EMCN: variants seen among roughly 807,000 people sequenced by gnomAD.
The protein encoded by EMCN is MUC-14.
In EMCN, 37 loss-of-function variants were observed where a neutral mutation model predicts 38.4. The ratio of observed to expected loss-of-function variants is 0.96; its 90% CI spans 0.74 to 1.27. The LOEUF is 1.27. EMCN is among the 50% of genes most tolerant of loss of function. EMCN has a pLI of 0.00. For missense variants in EMCN, 318 were observed against 302.8 expected, an observed-to-expected ratio of 1.05 and a Z score of -0.37; for synonymous variants, 95 against 100.8, an observed-to-expected ratio of 0.94 and a Z score of 0.35.
intron 1 of EMCN, among the ~76,000 whole-genome samples, chr4:100,483,758 G>GT (rs1728873803): frequency 6.6e-6 from 1 of 152,154 alleles, no homozygotes; most frequent in Non-Finnish European, 1.5e-5. Flanking sequence ...CATGATGCAA[G>GT]TAACACCAGA....
intron 4 of EMCN, among the ~76,000 whole-genome samples, chr4:100,453,916 G>T (rs901843088): frequency 1.3e-5 from 2 of 151,088 alleles, no homozygotes; most frequent in South Asian, 2.1e-4. Flanking sequence ...GCAAACTATC[G>T]CAAGGTCAAA....
intron 11 of EMCN, among the ~76,000 whole-genome samples, chr4:100,405,345 G>T (rs900230327): frequency 2.6e-5 from 4 of 152,028 alleles, no homozygotes; most frequent in African/African-American, 9.7e-5. Flanking sequence ...GATGTTGGTT[G>T]TGGGTTTGTC....
chr4:100,482,637 GA>G (rs1291270919), intron 1 of EMCN, among the ~76,000 whole-genome samples: 1 of 152,060 alleles, frequency 6.6e-6, no homozygotes, highest in Non-Finnish European at 1.5e-5. Flanking sequence ...CATGATCTGG[GA>G]AAATACTGAA....
chr4:100,449,544 T>TA (rs1262860083), intron 4 of EMCN, among the ~76,000 whole-genome samples: 1 of 152,104 alleles, frequency 6.6e-6, no homozygotes, highest in Non-Finnish European at 1.5e-5. Context: ...ATTTGAAAGA[T>TA]ACAATTAAAA....
chr4:100,505,407 C>T (rs1189472054), intron 1 of EMCN, among the ~76,000 whole-genome samples: 1 of 151,952 alleles, frequency 6.6e-6, no homozygotes, highest in East Asian at 1.9e-4. Context: ...TTCCTGTGGG[C>T]CAAATAAAAG....
rs151011309 is a variant in EMCN, at chr4:100,400,442, T to G, written c.*40-2069A>C. ...AAGAAATTTGCCACTAAACTTCACG[T>G]TATCATGTCTGTCTTTACATAACAC... On this transcript the variant is annotated intron_variant, in intron 11 of 11. Transcript: ENST00000296420. Among the ~76,000 whole-genome samples, 556 of 152,192 alleles carry G rather than the reference T, an allele frequency of 3.7e-3. 7 individuals are homozygous for G. Among genetic ancestry groups the G allele is most frequent in the African/African-American group, 0.013 (525 of 41,542 alleles).
chr4:100,432,186 C>T (rs1488361388), intron 5 of EMCN, among the ~76,000 whole-genome samples: 1 of 152,036 alleles, frequency 6.6e-6, no homozygotes, highest in Non-Finnish European at 1.5e-5. Context: ...GAACTTAGAG[C>T]TAGAAAAATG....
intron 1 of EMCN, among the ~76,000 whole-genome samples, chr4:100,489,681 T>C (rs181097046): frequency 6.6e-6 from 1 of 152,312 alleles, no homozygotes; most frequent in East Asian, 1.9e-4. Context: ...TAAATGACTA[T>C]GTTACTGGTT....
chr4:100,482,817 C>G (rs1163338669), intron 1 of EMCN, among the ~76,000 whole-genome samples: 2 of 152,094 alleles, frequency 1.3e-5, no homozygotes, highest in Non-Finnish European at 2.9e-5. Context: ...TGCAAGCCTT[C>G]ATTTTTATAT....
intron 5 of EMCN, among the ~76,000 whole-genome samples, chr4:100,435,334 T>C (rs941795899): frequency 6.6e-6 from 1 of 152,014 alleles, no homozygotes; most frequent in Non-Finnish European, 1.5e-5. Flanking sequence ...CAAAGGACCT[T>C]TTTGAGGAGA....
At chr4:100,406,652 T>C (rs1726400122) in intron 11 of EMCN, among the ~76,000 whole-genome samples, 3 of 152,222 alleles carry the variant, frequency 2.0e-5, no homozygotes, top group Admixed American at 2.0e-4. Flanking sequence ...TGGCTGAGCA[T>C]GTAGTCAATT....
chr4:100,475,302 T>TACAC (rs59162117), intron 2 of EMCN, among the ~76,000 whole-genome samples, 193 bp from the exon 3 acceptor site: 7,850 of 143,028 alleles, frequency 0.055, 286 homozygotes, highest in South Asian at 0.13. Context: ...TTGGGTGGCC[T>TACAC]ACACACACAC....
chr4:100,482,818 A>C (rs1461259553), intron 1 of EMCN, among the ~76,000 whole-genome samples: 1 of 152,132 alleles, frequency 6.6e-6, no homozygotes, highest in Non-Finnish European at 1.5e-5. Context: ...GCAAGCCTTC[A>C]TTTTTATATT....
intron 4 of EMCN, among the ~76,000 whole-genome samples, chr4:100,456,213 T>C (rs955740207): frequency 4.6e-5 from 7 of 152,194 alleles, no homozygotes; most frequent in African/African-American, 1.7e-4. Context: ...ATTTTTCTGG[T>C]CTTTTTTCTC....
rs147482862 is a variant in EMCN at position 100,407,909 on chromosome 4, A to G, written c.*39+2373T>C. Among the ~76,000 whole-genome samples the G allele has an allele frequency of 3.7e-3, 556 of 151,940 alleles. 7 individuals are homozygous for G. Among genetic ancestry groups the G allele is most frequent in the African/African-American group, 0.013 (525 of 41,454 alleles). On this transcript the variant is annotated intron_variant, in intron 11 of 11. Transcript: ENST00000296420. The stretch of plus-strand genomic sequence containing the variant: ...TTACATAATCTCATGTTTCTTGGAG[A>G]TTTGTTCATTTTTGAAAATTCTATT...
chr4:100,398,737 A>C (rs1578384602), intron 11 of EMCN, among the ~76,000 whole-genome samples: 1 of 151,778 alleles, frequency 6.6e-6, no homozygotes, highest in Non-Finnish European at 1.5e-5. Context: ...GAAATTTTTA[A>C]CCTCCAGACA....
rs1465467712 is a variant in EMCN, at chr4:100,397,526, TATCA to T, written c.*883_*886del. The T allele has an allele frequency of 6.6e-6, 1 of 152,170 alleles. No individual in the cohort carries two copies. Among genetic ancestry groups the T allele is most frequent in the African/African-American group, 2.4e-5 (1 of 41,448 alleles). 9.4% of individuals were successfully genotyped at this position (152,170 alleles called of 1,614,324 possible). A position where few individuals can be genotyped will look rare whatever the true frequency, so the allele number is the denominator to read the frequency against. ...AGAAATAAAAAATGCATGGAGATAA[TATCA>T]ATCAAATGAGTTAATGAAAAATCAT... is the stretch of plus-strand genomic sequence containing the variant. On this transcript the variant is annotated 3_prime_UTR_variant, in exon 12 of 12. Transcript: ENST00000296420.
intron 2 of EMCN, among the ~76,000 whole-genome samples, chr4:100,477,901 T>A (rs1728704191): frequency 6.6e-6 from 1 of 152,246 alleles, no homozygotes; most frequent in Admixed American, 6.5e-5. Context: ...AATTAGTAAG[T>A]CAAATTTACT....
chr4:100,452,732 A>G (rs1429031685), intron 4 of EMCN, among the ~76,000 whole-genome samples: 1 of 152,040 alleles, frequency 6.6e-6, no homozygotes, highest in African/African-American at 2.4e-5. Context: ...ATCCTCATAA[A>G]CCAAGAGGAT....
Sources: allele counts gnomAD v4.1 joint callset (sites outside exome capture counted in the v4.1 genomes callset), GRCh38; gene constraint gnomAD v4.1.1; transcripts MANE v1.5; gene names NCBI Gene and HGNC (gene_info 2026-07-23, HGNC 2026-07-21).